RPS9: variants seen among roughly 807,000 people sequenced by gnomAD.
RPS9 encodes ribosomal protein S9, also known as small ribosomal subunit protein uS4.
RPS9 carries 1 observed loss-of-function variant against 16.9 expected under a neutral mutation model. The observed-to-expected ratio is 0.06, with a 90% CI of 0.02 to 0.28. RPS9 has a LOEUF of 0.28. Ranked by LOEUF, RPS9 falls within the 10% of genes least tolerant of loss-of-function variation. The pLI is 1.00. For missense variants in RPS9, 137 were observed against 273.2 expected (o/e 0.50, Z 3.51); for synonymous variants, 106 against 110.9 (o/e 0.96, Z 0.28).
rs776098578 is a variant in RPS9 at position 54,201,480 on chromosome 19, C to T, written c.98-7C>T. 2 of 1,614,006 alleles carry T rather than the reference C, an allele frequency of 1.2e-6. No homozygotes were observed. Among genetic ancestry groups the T allele is most frequent in the Admixed American group, 3.3e-5 (2 of 59,988 alleles). On this transcript the variant is annotated splice_region_variant and splice_polypyrimidine_tract_variant and intron_variant, in intron 2 of 4. Coordinates refer to ENST00000302907, the MANE Select transcript of RPS9 (RefSeq NM_001013.4). ...ACTACACTTGTCCACCCCCTTCTCC[C>T]CACCAGGCGAGTATGGGCTCCGGAA...
chr19:54,206,963 G>C (rs1474752854), intron 4 of RPS9: 1 of 462,544 alleles, frequency 2.2e-6, no homozygotes, highest in Non-Finnish European at 3.9e-6. Flanking sequence ...CACTAACCCT[G>C]TGAGCCGTAG....
rs149887907 is a variant in RPS9, at chr19:54,202,720, C to T, written c.220+1111C>T. 3.8e-4 allele frequency: 372 copies of T among 985,384 alleles called. No individual in the cohort carries two copies. In the Middle Eastern group the frequency reaches 5.7e-3, roughly 15 times the overall value. The allele number at this position is 985,384 out of a possible 1,614,324, so 61.0% of individuals were successfully genotyped here. On this transcript the variant is annotated intron_variant, in intron 3 of 4. Transcript: ENST00000302907. ...CTGCTTTTGCCTGAGTTTGGGTAGT[C>T]ATGATTTATGGTGAAAAGCAGTCTC...
chr19:54,201,643 T>TG, intron 3 of RPS9, 34 bp downstream of exon 3: 1 of 1,612,796 alleles, frequency 6.2e-7, no homozygotes, highest in Non-Finnish European at 8.5e-7. Context: ...AGGGATGGGG[T>TG]GCAGGGCTTG....
In RPS9 at chr19:54,203,424, G is replaced by C. The variant is rs536587400; in HGVS notation, c.220+1815G>C. ...TGTGACTAGCGAGATTCTGAGTCTC[G>C]TCTGTTAAGACTGAACAGCCGCCAA... On this transcript the variant is annotated intron_variant, in intron 3 of 4. Coordinates refer to ENST00000302907, the MANE Select transcript of RPS9 (RefSeq NM_001013.4). 73 of 548,406 alleles carry C rather than the reference G, an allele frequency of 1.3e-4. No homozygotes were observed. The Middle Eastern group carries it at 3.7e-3, about 28-fold the overall frequency. The allele number at this position is 548,406 out of a possible 1,614,324, so 34.0% of individuals were successfully genotyped here.
chr19:54,203,174 T>C, intron 3 of RPS9: 1 of 928,678 alleles, frequency 1.1e-6, no homozygotes, highest in Non-Finnish European at 1.3e-6. Flanking sequence ...CTAATTGCAA[T>C]GAAACTTACA....
Position 54,207,647 on chromosome 19 carries a change from A to C in RPS9, c.*72A>C, listed in dbSNP as rs1010688893. On this transcript the variant is annotated 3_prime_UTR_variant, in exon 5 of 5. Coordinates refer to ENST00000302907, the MANE Select transcript of RPS9 (RefSeq NM_001013.4). Reference sequence around the variant, plus strand: ...AAATAAACAGGATCAGCGCTTTACAATTGGTGTGTGGGGGTCTCTCATCCT... The same window carrying C: ...AAATAAACAGGATCAGCGCTTTACACTTGGTGTGTGGGGGTCTCTCATCCT... 15 of 1,374,162 alleles carry C rather than the reference A, an allele frequency of 1.1e-5. No homozygotes were observed. The highest frequency in any genetic ancestry group is 1.5e-5 in the Non-Finnish European group (15 of 1,019,260). 85.1% of individuals were successfully genotyped at this position (1,374,162 alleles called of 1,614,324 possible).
intron 4 of RPS9, chr19:54,206,895 A>T: frequency 1.7e-6 from 1 of 585,034 alleles, no homozygotes; most frequent in Non-Finnish European, 2.9e-6. Context: ...ATTGAGGGGG[A>T]GGAGCTGTAC....
intron 3 of RPS9, chr19:54,202,259 C>A (rs67724353): frequency 0.32 from 60,669 of 191,374 alleles, 11,125 homozygotes; most frequent in East Asian, 0.43. Flanking sequence ...AATCTTGGCT[C>A]ACTGCAAACT....
At chr19:54,202,755 G>T in intron 3 of RPS9, 1 of 985,422 alleles carries the variant, frequency 1.0e-6, no homozygotes, top group Non-Finnish European at 1.2e-6. Context: ...CTACACCTGA[G>T]CCCTGACTGT....
chr19:54,207,151 G>T, intron 4 of RPS9: 2 of 538,554 alleles, frequency 3.7e-6, no homozygotes, highest in East Asian at 3.1e-5. Flanking sequence ...GTGGTCTTAG[G>T]TGGGATACTT....
chr19:54,206,424 C>A lies in RPS9; in HGVS notation c.369C>A (p.Ile123=). 1 of 1,614,284 alleles carries A rather than the reference C, an allele frequency of 6.2e-7. No homozygotes were observed. The highest frequency in any genetic ancestry group is 8.5e-7 in the Non-Finnish European group (1 of 1,180,052). ...QVFKLGLAKS[I]HHARVLIRQR... ...TCAAGCTGGGCTTGGCCAAGTCCAT[C>A]CACCACGCTCGCGTGCTGATCCGCC... Residue 123 remains isoleucine (I), a synonymous_variant, in exon 4 of 5, where the codon ATC becomes ATA. Coordinates refer to ENST00000302907, the MANE Select transcript of RPS9 (RefSeq NM_001013.4).
intron 3 of RPS9, 85 bp downstream of exon 3, chr19:54,201,694 G>A: frequency 6.3e-7 from 1 of 1,576,426 alleles, no homozygotes; most frequent in South Asian, 1.1e-5. Context: ...TTCCAGTGAT[G>A]AGAGTTGTGT....
chr19:54,206,941 G>A (rs2077262419), intron 4 of RPS9: 15 of 485,704 alleles, frequency 3.1e-5, no homozygotes, highest in Non-Finnish European at 4.8e-5. Context: ...TAGAATCTTC[G>A]CCCCAGCCCT....
intron 4 of RPS9, chr19:54,207,177 A>C: frequency 1.8e-6 from 1 of 542,478 alleles, no homozygotes; most frequent in Non-Finnish European, 3.2e-6. Context: ...TTTCTCCTAT[A>C]AAATGGGGTT....
In RPS9 at chr19:54,201,193, G is replaced by A. The variant is rs1219452186; in HGVS notation, c.9G>A (p.Val3=). 1.1e-5 allele frequency: 18 copies of A among 1,605,180 alleles called. No individual in the cohort carries two copies. Among genetic ancestry groups the A allele is most frequent in the Non-Finnish European group, 1.4e-5 (16 of 1,172,692 alleles). Residue 3 remains valine, a synonymous_variant, in exon 2 of 5, where the codon GTG becomes GTA. Transcript: ENST00000302907. MP[V]ARSWVCRKTY... ...GGGGAAGCGGAGCCAACATGCCAGT[G>A]GCCCGGAGCTGGGTTTGTCGCAAAA... is the stretch of plus-strand genomic sequence containing the variant.
chr19:54,206,537 C>T (rs2077248031), intron 4 of RPS9, 75 bp downstream of exon 4: 4 of 1,588,826 alleles, frequency 2.5e-6, no homozygotes, highest in Non-Finnish European at 3.4e-6. Context: ...GCCTGCTGTC[C>T]CTATCTCCTA....
chr19:54,203,777 C>CCG (rs1000420584), intron 3 of RPS9, among the ~76,000 whole-genome samples: 4 of 113,374 alleles, frequency 3.5e-5, no homozygotes, highest in African/African-American at 2.7e-5. Flanking sequence ...GAACTCCCCC[C>CCG]CCACCCCCCA....
At position 54,205,999 on chromosome 19, in the gene RPS9, G is replaced by T. The variant is rs1459240658; in HGVS notation, c.221-277G>T. On this transcript the variant is annotated intron_variant, in intron 3 of 4. Coordinates refer to ENST00000302907, the MANE Select transcript of RPS9 (RefSeq NM_001013.4). ...GCCTGGCTAATTTTTCGTAATCTTA[G>T]TGGAGACGGGCTTTCGCCATGTTGG... Among the ~76,000 whole-genome samples, 3 of 152,282 alleles carry T rather than the reference G, an allele frequency of 2.0e-5. No individual in the cohort carries two copies. The East Asian group carries it at 5.8e-4, about 29-fold the overall frequency.
Position 54,201,489 on chromosome 19 carries a change from G to A in RPS9, c.100G>A (p.Glu34Lys). Residue 34 changes from glutamate (E) to lysine (K), a missense_variant and splice_region_variant, in exon 3 of 5, where the codon GAG becomes AAG. Transcript: ENST00000302907. ...RLDQELKLIGEYGLRNKREVW... is the reference protein window; with the variant it reads ...RLDQELKLIGKYGLRNKREVW... The stretch of plus-strand genomic sequence containing the variant: ...GTCCACCCCCTTCTCCCCACCAGGC[G>A]AGTATGGGCTCCGGAACAAACGTGA... 6.2e-7 allele frequency: 1 copy of A among 1,614,042 alleles called. No individual in the cohort carries two copies. The highest frequency in any genetic ancestry group is 8.5e-7 in the Non-Finnish European group (1 of 1,179,976).
Sources: allele counts gnomAD v4.1 joint callset (sites outside exome capture counted in the v4.1 genomes callset), GRCh38; gene constraint gnomAD v4.1.1; transcripts MANE v1.5; gene names NCBI Gene and HGNC (gene_info 2026-07-23, HGNC 2026-07-21).